The following CAMK2A variants were observed in gnomAD, a reference collection of about 807,000 sequenced individuals.
The protein encoded by CAMK2A is calcium/calmodulin-dependent protein kinase type II subunit alpha.
Under a neutral mutation model 79.2 loss-of-function variants are expected in CAMK2A, and 7 were observed. The observed-to-expected ratio is 0.09, with a 90% confidence interval of 0.05 to 0.17. The LOEUF (loss-of-function observed/expected upper bound fraction) is 0.17. Among genes scored for constraint, CAMK2A ranks in the 10% least tolerant of loss-of-function variants. The pLI is 1.00. For synonymous variants in CAMK2A, 242 were observed against 251.7 expected, an observed-to-expected ratio of 0.96 and a Z score of 0.36; for missense variants, 214 against 646.4, an observed-to-expected ratio of 0.33 and a Z score of 7.25.
At chr5:150,282,018 T>C (rs1169631832) in intron 1 of CAMK2A, among the ~76,000 whole-genome samples, 2 of 152,168 alleles carry the variant, frequency 1.3e-5, no homozygotes, top group African/African-American at 4.8e-5. Flanking sequence ...CCCCTTTGCT[T>C]GACTCTCCCC....
chr5:150,282,098 T>TAG (rs1488746008), intron 1 of CAMK2A, among the ~76,000 whole-genome samples: 2 of 152,264 alleles, frequency 1.3e-5, no homozygotes, highest in Non-Finnish European at 2.9e-5. Context: ...TCCTAGGACC[T>TAG]GTTACTGAAA....
intron 15 of CAMK2A, among the ~76,000 whole-genome samples, chr5:150,237,179 G>A (rs1580905585): frequency 6.6e-6 from 1 of 152,160 alleles, no homozygotes; most frequent in African/African-American, 2.4e-5. Flanking sequence ...CAGGCATCCT[G>A]GCAGCGTCAG....
rs1755209396 is a variant in CAMK2A, at chr5:150,238,813, C to T, written c.1018-65G>A. On this transcript the variant is annotated intron_variant, in intron 14 of 18. Transcript: ENST00000671881. ...GAGCGGGACGAGGCATGGCCAGGCC[C>T]TGGCTGCCTGGTGACGCGGCTGGTT... The T allele has an allele frequency of 1.7e-5, 24 of 1,389,690 alleles. No individual in the cohort carries two copies. The South Asian group carries it at 3.5e-4, about 20-fold the overall frequency. 86.1% of individuals were successfully genotyped at this position (1,389,690 alleles called of 1,614,324 possible).
intron 11 of CAMK2A, among the ~76,000 whole-genome samples, chr5:150,248,812 T>C (rs1755699891): frequency 6.6e-6 from 1 of 152,092 alleles, no homozygotes; most frequent in African/African-American, 2.4e-5. Flanking sequence ...GCATGTGTCT[T>C]TATAGCACCA....
chr5:150,238,529 T>C (rs2114039829), intron 15 of CAMK2A, 171 bp downstream of exon 15: 1 of 688,214 alleles, frequency 1.5e-6, no homozygotes, highest in Non-Finnish European at 2.7e-6. Flanking sequence ...ACCCCCGCCC[T>C]CCATGGGAAT....
intron 13 of CAMK2A, among the ~76,000 whole-genome samples, chr5:150,241,459 C>T (rs1755334249): frequency 7.4e-6 from 1 of 135,510 alleles, no homozygotes; most frequent in South Asian, 2.6e-4. Flanking sequence ...TTACTCCGTT[C>T]CCTCGCCCTC....
At chr5:150,278,321 T>A (rs1757044192) in intron 1 of CAMK2A, among the ~76,000 whole-genome samples, 1 of 150,686 alleles carries the variant, frequency 6.6e-6, no homozygotes, top group Non-Finnish European at 1.5e-5. Flanking sequence ...ATAGCCAAAA[T>A]GAGAGTGAAG....
intron 1 of CAMK2A, among the ~76,000 whole-genome samples, chr5:150,287,176 G>T (rs1396591661): frequency 2.0e-5 from 3 of 152,334 alleles, no homozygotes; most frequent in African/African-American, 7.2e-5. Flanking sequence ...ACAGACATCA[G>T]GGGTGCGGAA....
chr5:150,264,866 C>A (rs1756442871), intron 3 of CAMK2A, 90 bp downstream of exon 3: 10 of 961,886 alleles, frequency 1.0e-5, no homozygotes, highest in Non-Finnish European at 1.7e-5. Context: ...AGCAGCTGCT[C>A]TCCACCCAAC....
chr5:150,219,855 AT>A lies in CAMK2A; in HGVS notation c.*2854del, dbSNP rs1029914636. ...AGCCAAGGTTTTGACTTGGGTTTGG[AT>A]TTTTATTTATTTATTTATTATTATT... is the stretch of plus-strand genomic sequence containing the variant. On this transcript the variant is annotated 3_prime_UTR_variant, in exon 19 of 19. Transcript: ENST00000671881. The A allele has an allele frequency of 8.9e-6, 1 of 112,604 alleles. No homozygotes were observed. Among genetic ancestry groups the A allele is most frequent in the African/African-American group, 2.7e-5 (1 of 36,926 alleles). 7.0% of individuals were successfully genotyped at this position (112,604 alleles called of 1,614,324 possible). A position where few individuals can be genotyped will look rare whatever the true frequency, so the allele number is the denominator to read the frequency against.
rs748774194 is a variant in CAMK2A, at chr5:150,223,083, C to T, written c.1372G>A (p.Ala458Thr). The T allele has an allele frequency of 5.6e-6, 9 of 1,614,124 alleles. No homozygotes were observed. Among genetic ancestry groups the T allele is most frequent in the South Asian group, 1.1e-5 (1 of 91,084 alleles). Residue 458 changes from alanine to threonine, a missense_variant, in exon 18 of 19, where the codon GCC becomes ACC. Physicochemically the swap from Ala to Thr is moderately conservative, Grantham distance 58. This residue lies in a region of CAMK2A where 123 missense variants were observed against 242.4 expected (regional missense o/e 0.51). Coordinates refer to ENST00000671881, the MANE Select transcript of CAMK2A (RefSeq NM_015981.4). The surrounding 1 kb of genome is among the most constrained non-coding windows in gnomAD (Gnocchi z 4.1). ...YLDAGGIPRT[A>T]QSEETRVWHR... ...CAGACACGGGTCTCCTCCGACTGGGCGGTGCGTGGGATGCCGCCAGCGTCC... is the reference window on the plus strand; with the variant it reads ...CAGACACGGGTCTCCTCCGACTGGGTGGTGCGTGGGATGCCGCCAGCGTCC...
At chr5:150,222,931 C>T in intron 18 of CAMK2A, 58 bp downstream of exon 18, 2 of 1,544,608 alleles carry the variant, frequency 1.3e-6, no homozygotes, top group Non-Finnish European at 1.8e-6. Context: ...TAACCCCCTC[C>T]AGGGCAACAC....
At chr5:150,261,205 G>C (rs73796385) in intron 3 of CAMK2A, among the ~76,000 whole-genome samples, 1 of 148,404 alleles carries the variant, frequency 6.7e-6, no homozygotes, top group Middle Eastern at 3.5e-3. Context: ...CTGGGCAAGG[G>C]GCACATGGGT....
In CAMK2A at chr5:150,245,216, A is replaced by G. The variant is rs1260701316; in HGVS notation, c.944-15T>C. ...ACTCTTCCCTCCTGTGGAGGAGAAA[A>G]AGTAGAGGGTTAACAACGCCAGGCA... On this transcript the variant is annotated splice_polypyrimidine_tract_variant and intron_variant, in intron 12 of 18. Transcript: ENST00000671881. 6.2e-7 allele frequency: 1 copy of G among 1,613,186 alleles called. No individual in the cohort carries two copies.
At chr5:150,246,336 T>G (rs1220090047) in intron 12 of CAMK2A, among the ~76,000 whole-genome samples, 4 of 152,124 alleles carry the variant, frequency 2.6e-5, no homozygotes, top group Admixed American at 2.0e-4. Context: ...TGGACTAGGA[T>G]GTGCAGTGGG....
Position 150,265,589 on chromosome 5 carries a change from G to A in CAMK2A, c.158-574C>T, listed in dbSNP as rs143804860. Among the ~76,000 whole-genome samples the A allele has an allele frequency of 4.8e-4, 73 of 152,106 alleles. No homozygotes were observed. The East Asian group carries it at 5.2e-3, about 11-fold the overall frequency. On this transcript the variant is annotated intron_variant, in intron 2 of 18. Transcript: ENST00000671881. The stretch of plus-strand genomic sequence containing the variant: ...CTAGTTCCTTGAGGGCAGGGACTTC[G>A]TCTCTGTTGTACCCCTGACATCTAC...
chr5:150,238,522 C>T (rs1273394445), intron 15 of CAMK2A, 178 bp downstream of exon 15: 13 of 714,440 alleles, frequency 1.8e-5, no homozygotes, highest in South Asian at 1.8e-4. Flanking sequence ...CAGTACCACC[C>T]CCGCCCTCCA....
At chr5:150,246,048 A>C (rs869192) in intron 12 of CAMK2A, among the ~76,000 whole-genome samples, 1 of 152,066 alleles carries the variant, frequency 6.6e-6, no homozygotes, top group Non-Finnish European at 1.5e-5. Context: ...CTGACCCATA[A>C]GCCGCACATG....
chr5:150,272,895 A>G (rs1756808566), intron 2 of CAMK2A, among the ~76,000 whole-genome samples, 170 bp downstream of exon 2: 1 of 151,606 alleles, frequency 6.6e-6, no homozygotes, highest in South Asian at 2.1e-4. Context: ...AAGGAAAAGA[A>G]GGAAAAAGGG....
Sources: allele counts gnomAD v4.1 joint callset (sites outside exome capture counted in the v4.1 genomes callset), GRCh38; gene constraint gnomAD v4.1.1; regional missense constraint gnomAD v4.1.1; non-coding constraint Gnocchi (gnomAD v3.1); transcripts MANE v1.5; gene names NCBI Gene and HGNC (gene_info 2026-07-23, HGNC 2026-07-21).